Variants in DPP6 observed in about 807,000 individuals in gnomAD.
The protein encoded by DPP6 is A-type potassium channel modulatory protein DPP6.
Under a neutral mutation model 122.6 loss-of-function variants are expected in DPP6, and 69 were observed. The observed-to-expected ratio is 0.56, with a 90% confidence interval of 0.46 to 0.69. The LOEUF (loss-of-function observed/expected upper bound fraction) is 0.69. DPP6 is among the 30% of genes least tolerant of loss of function. The pLI is 0.00. For missense variants in DPP6, 928 were observed against 1,116.9 expected (o/e 0.83, Z 2.41); for synonymous variants, 418 against 433.1 (o/e 0.97, Z 0.43).
At position 154,093,288 on chromosome 7, in the gene DPP6, A is replaced by G. The variant is rs565784970; in HGVS notation, c.243+40225A>G. Among the ~76,000 whole-genome samples, 392 of 145,456 alleles carry G rather than the reference A, an allele frequency of 2.7e-3. 4 individuals carry two copies. Among genetic ancestry groups the G allele is most frequent in the African/African-American group, 9.7e-3 (377 of 38,766 alleles). ...ATCCTACATACATCATACACACCATACACACACATCAAATACCACACCACA... is the reference window on the plus strand; with the variant it reads ...ATCCTACATACATCATACACACCATGCACACACATCAAATACCACACCACA... On this transcript the variant is annotated intron_variant, in intron 1 of 25. Coordinates refer to ENST00000377770, the MANE Select transcript of DPP6 (RefSeq NM_130797.4).
At chr7:154,279,238 A>G (rs1459083226) in intron 1 of DPP6, among the ~76,000 whole-genome samples, 1 of 152,096 alleles carries the variant, frequency 6.6e-6, no homozygotes, top group Non-Finnish European at 1.5e-5. Context: ...GTGTGCATAT[A>G]TGTGTGTGTG....
At chr7:153,972,617 T>C (rs1187933999) in intron 1 of DPP6, among the ~76,000 whole-genome samples, 1 of 150,096 alleles carries the variant, frequency 6.7e-6, no homozygotes, top group Non-Finnish European at 1.5e-5. Flanking sequence ...TTGATCTCAC[T>C]TGGTAGTACA....
chr7:154,678,318 G>A (rs997413691), intron 7 of DPP6, among the ~76,000 whole-genome samples: 2 of 152,190 alleles, frequency 1.3e-5, no homozygotes, highest in Admixed American at 6.5e-5. Context: ...GCTGCTGCTC[G>A]CTCTCTGGGT....
At chr7:154,870,128 C>A (rs1386063109) in intron 18 of DPP6, among the ~76,000 whole-genome samples, 10 of 148,248 alleles carry the variant, frequency 6.7e-5, no homozygotes, top group African/African-American at 2.5e-4. Context: ...CACAGGCAGG[C>A]CACATGCCCA....
chr7:153,786,757 A>AG, the DPP6 span, among the ~76,000 whole-genome samples: 1 of 142,178 alleles, frequency 7.0e-6, no homozygotes, highest in East Asian at 2.0e-4. Flanking sequence ...AAAAAAAAAA[A>AG]AAAAAGATAT....
intron 2 of DPP6, among the ~76,000 whole-genome samples, chr7:154,451,302 G>A (rs1820345894): frequency 6.7e-6 from 1 of 149,848 alleles, no homozygotes; most frequent in Non-Finnish European, 1.5e-5. Context: ...AGAGGTTGCA[G>A]TGAGCCGAGA....
chr7:154,681,536 C>T (rs980825779), intron 7 of DPP6, among the ~76,000 whole-genome samples: 1 of 152,150 alleles, frequency 6.6e-6, no homozygotes, highest in Non-Finnish European at 1.5e-5. Context: ...TCCTGTTTCT[C>T]GTCCTGTGGA....
At chr7:154,557,569 A>G (rs910134469) in intron 4 of DPP6, among the ~76,000 whole-genome samples, 1 of 152,170 alleles carries the variant, frequency 6.6e-6, no homozygotes, top group Non-Finnish European at 1.5e-5. Flanking sequence ...GCTTCTTGGC[A>G]TCTGGTCCTG....
chr7:154,019,477 A>G (rs1798597398), intron 1 of DPP6, among the ~76,000 whole-genome samples: 1 of 132,842 alleles, frequency 7.5e-6, no homozygotes, highest in African/African-American at 2.9e-5. Context: ...CTCCCTCCCT[A>G]TCTCTCTATC....
rs911787272 is a variant in DPP6 at position 153,887,540 on chromosome 7, C to G, written c.-144C>G. 4.3e-5 allele frequency: 39 copies of G among 903,862 alleles called. No homozygotes were observed. The African/African-American group carries it at 5.4e-4, about 13-fold the overall frequency. 56.0% of individuals were successfully genotyped at this position (903,862 alleles called of 1,614,324 possible). On this transcript the variant is annotated 5_prime_UTR_variant, in exon 1 of 26. Coordinates refer to the DPP6 transcript ENST00000404039. ...GCAGGGGTGCGCGGAGGTGAGAAAACTGAAGACCTGGAAGATTTTTTTTTC... is the reference window on the plus strand; with the variant it reads ...GCAGGGGTGCGCGGAGGTGAGAAAAGTGAAGACCTGGAAGATTTTTTTTTC...
intron 4 of DPP6, 121 bp from the exon 5 acceptor site, chr7:154,566,721 G>A (rs1166656128): frequency 6.4e-6 from 4 of 622,610 alleles, no homozygotes; most frequent in Non-Finnish European, 8.4e-6. Context: ...ACAAAGAAAG[G>A]ATATAGCCAT....
In DPP6 at chr7:154,821,949, C is replaced by A. The variant is rs1252592358; in HGVS notation, c.1666+14837C>A. Among the ~76,000 whole-genome samples the A allele has an allele frequency of 4.6e-5, 7 of 152,098 alleles. No homozygotes were observed. In the East Asian group the frequency reaches 1.3e-3, roughly 29 times the overall value. On this transcript the variant is annotated intron_variant, in intron 16 of 25. Transcript: ENST00000377770. This position sits in a 1 kb window ranked among gnomAD's most constrained non-coding sequence, Gnocchi z 4.2. ...CACAGCGGTGCTTCCGGTTAAAAGC[C>A]AGTGTGGAATACATGTCTCAAGCTT...
intron 22 of DPP6, among the ~76,000 whole-genome samples, chr7:154,887,327 C>G (rs1158816207): frequency 6.6e-6 from 1 of 152,208 alleles, no homozygotes; most frequent in East Asian, 1.9e-4. Context: ...AATGTGCTCT[C>G]TTACCACCCA....
the DPP6 span, among the ~76,000 whole-genome samples, chr7:153,873,139 A>C: frequency 6.6e-6 from 1 of 152,188 alleles, no homozygotes; most frequent in Non-Finnish European, 1.5e-5. Flanking sequence ...GAGGAAGAAC[A>C]CAAAGCAGAG....
At chr7:154,568,182 T>C (rs1830883071) in intron 5 of DPP6, among the ~76,000 whole-genome samples, 2 of 152,216 alleles carry the variant, frequency 1.3e-5, no homozygotes, top group Admixed American at 6.5e-5. Flanking sequence ...CACCTGGATG[T>C]GATGTTCACG....
the DPP6 span, among the ~76,000 whole-genome samples, chr7:153,769,997 T>C: frequency 1.3e-5 from 2 of 152,114 alleles, no homozygotes; most frequent in African/African-American, 4.8e-5. Flanking sequence ...TCTTGAAGAC[T>C]TTTTCTTTGT....
At chr7:154,226,937 G>A (rs529454803) in intron 1 of DPP6, among the ~76,000 whole-genome samples, 8 of 152,112 alleles carry the variant, frequency 5.3e-5, no homozygotes, top group Admixed American at 1.3e-4. Flanking sequence ...CAAGGATCCA[G>A]TCAGATAATA....
At chr7:154,736,152 C>A (rs2131393770) in intron 8 of DPP6, among the ~76,000 whole-genome samples, 1 of 152,348 alleles carries the variant, frequency 6.6e-6, no homozygotes, top group African/African-American at 2.4e-5. Flanking sequence ...TGCCTATGTT[C>A]ATCTGAGTTT....
chr7:153,767,227 T>G, the DPP6 span, among the ~76,000 whole-genome samples: 2 of 152,190 alleles, frequency 1.3e-5, no homozygotes, highest in Non-Finnish European at 2.9e-5. Context: ...AATGTCCACT[T>G]TCCTTCTACC....
Sources: allele counts gnomAD v4.1 joint callset (sites outside exome capture counted in the v4.1 genomes callset), GRCh38; gene constraint gnomAD v4.1.1; non-coding constraint Gnocchi (gnomAD v3.1); transcripts MANE v1.5; gene names NCBI Gene and HGNC (gene_info 2026-07-23, HGNC 2026-07-21).